Variants in PRELID2 observed in about 807,000 individuals in gnomAD.
PRELID2 encodes PRELI domain-containing protein 2.
Under a neutral mutation model 28.4 loss-of-function variants are expected in PRELID2, and 25 were observed. The observed-to-expected ratio is 0.88, with a 90% CI of 0.64 to 1.23. The LOEUF is 1.23. Among genes scored for constraint, PRELID2 ranks in the 50% most tolerant of loss-of-function variants. The pLI is 0.00. For missense variants in PRELID2, 201 were observed against 214.4 expected, an observed-to-expected ratio of 0.94 and a Z score of 0.39; for synonymous variants, 76 against 71.6, an observed-to-expected ratio of 1.06 and a Z score of -0.31.
At chr5:145,547,681 G>A (rs995508059) in intron 1 of PRELID2, among the ~76,000 whole-genome samples, 1 of 152,062 alleles carries the variant, frequency 6.6e-6, no homozygotes, top group Non-Finnish European at 1.5e-5. Flanking sequence ...CATATAACAA[G>A]GTGGATATAA....
intron 1 of PRELID2, among the ~76,000 whole-genome samples, chr5:145,662,271 A>G (rs1045912516): frequency 1.5e-4 from 23 of 152,152 alleles, no homozygotes; most frequent in Non-Finnish European, 2.9e-5. Flanking sequence ...AGATCAAAGG[A>G]GCAAAATGAT....
chr5:145,737,530 G>A (rs1228237426), intron 1 of PRELID2, among the ~76,000 whole-genome samples: 2 of 152,142 alleles, frequency 1.3e-5, no homozygotes, highest in Non-Finnish European at 2.9e-5. Context: ...AGTTCCTTGA[G>A]TTTTATTTTT....
At chr5:145,635,666 A>G (rs1189334941) in intron 1 of PRELID2, among the ~76,000 whole-genome samples, 1 of 152,194 alleles carries the variant, frequency 6.6e-6, no homozygotes, top group Non-Finnish European at 1.5e-5. Flanking sequence ...GCATGACTCT[A>G]AATGTTTGCA....
chr5:145,236,313 A>G, the PRELID2 span, among the ~76,000 whole-genome samples: 6 of 152,156 alleles, frequency 3.9e-5, no homozygotes, highest in Non-Finnish European at 7.4e-5. Context: ...AGGACCTCCC[A>G]AACTTCTTAT....
the PRELID2 span, among the ~76,000 whole-genome samples, chr5:145,402,450 G>T: frequency 6.6e-6 from 1 of 152,162 alleles, no homozygotes; most frequent in African/African-American, 2.4e-5. Context: ...CTGAATTTAT[G>T]CCAGGGACAC....
chr5:145,616,778 A>G (rs1753704209), intron 1 of PRELID2, among the ~76,000 whole-genome samples: 1 of 152,168 alleles, frequency 6.6e-6, no homozygotes. Context: ...TGTCATTGAT[A>G]ACATCTTACC....
the PRELID2 span, among the ~76,000 whole-genome samples, chr5:145,428,919 A>G: frequency 1.3e-4 from 10 of 75,872 alleles, no homozygotes; most frequent in Admixed American, 1.4e-3. Flanking sequence ...TAAGGAGGCC[A>G]GTGTGGCTGG....
At chr5:145,373,999 T>G in the PRELID2 span, among the ~76,000 whole-genome samples, 670 of 147,974 alleles carry the variant, frequency 4.5e-3, 6 homozygotes, top group Admixed American at 7.6e-3. Flanking sequence ...GTTAGTATTA[T>G]TATGTGTGAA....
chr5:145,637,775 T>C (rs945112638), intron 1 of PRELID2, among the ~76,000 whole-genome samples: 1 of 152,000 alleles, frequency 6.6e-6, no homozygotes, highest in African/African-American at 2.4e-5. Flanking sequence ...AAAGTCTTAA[T>C]GTTAATGTCA....
the PRELID2 span, among the ~76,000 whole-genome samples, chr5:145,231,432 G>A: frequency 6.6e-6 from 1 of 152,014 alleles, no homozygotes; most frequent in African/African-American, 2.4e-5. Flanking sequence ...CAGTAACAGT[G>A]GCCTACACTG....
At chr5:145,385,345 C>T in the PRELID2 span, among the ~76,000 whole-genome samples, 3 of 152,146 alleles carry the variant, frequency 2.0e-5, no homozygotes, top group African/African-American at 4.8e-5. Context: ...TTTATCACTG[C>T]CCTGAGTTAT....
In PRELID2 at chr5:145,514,318, C is replaced by CAAAAAAAAAAAAAAAAA. The variant is rs55760860; in HGVS notation, n.71-41004_71-41003insTTTTTTTTTTTTTTTTT. 1.4e-3 allele frequency among the ~76,000 whole-genome samples: 95 copies of CAAAAAAAAAAAAAAAAA among 67,382 alleles called. 3 individuals carry two copies. The highest frequency in any genetic ancestry group is 9.4e-3 in the Middle Eastern group (1 of 106). The allele number at this position is 67,382 out of a possible 152,430, so 44.2% of individuals were successfully genotyped here. On this transcript the variant is annotated intron_variant and non_coding_transcript_variant, in intron 1 of 2. Coordinates refer to the PRELID2 transcript ENST00000510259. Reference sequence around the variant, plus strand: ...GAATATTTACCAAGCAAATGGAAAGCAAAAAAAAAAAAAAAGCATGGGTTG... The same window carrying CAAAAAAAAAAAAAAAAA: ...GAATATTTACCAAGCAAATGGAAAGCAAAAAAAAAAAAAAAAAAAAAAAAAAAAAAAAGCATGGGTTG...
the PRELID2 span, among the ~76,000 whole-genome samples, chr5:145,373,907 T>TAA: frequency 7.5e-6 from 1 of 133,290 alleles, no homozygotes; most frequent in African/African-American, 2.9e-5. Flanking sequence ...ACAACATATA[T>TAA]AATATATATG....
rs1034290799 is a variant in PRELID2, at chr5:145,684,204, GAA to G, written n.70+80725_70+80726del. Among the ~76,000 whole-genome samples the G allele has an allele frequency of 7.2e-5, 11 of 152,318 alleles. No individual in the cohort carries two copies. The South Asian group carries it at 1.9e-3, about 26-fold the overall frequency. On this transcript the variant is annotated intron_variant and non_coding_transcript_variant, in intron 1 of 2. Transcript: ENST00000510259. Reference sequence around the variant, plus strand: ...TGTATGTAGAGGAGAAAAATGACATGAAAAGAGTCAATAGTCCAGGGGTGAAA... The same window carrying G: ...TGTATGTAGAGGAGAAAAATGACATGAAGAGTCAATAGTCCAGGGGTGAAA...
At chr5:145,517,881 T>A (rs1486586138) in intron 1 of PRELID2, among the ~76,000 whole-genome samples, 1 of 151,992 alleles carries the variant, frequency 6.6e-6, no homozygotes, top group African/African-American at 2.4e-5. Context: ...CTCAGCAAAC[T>A]AACACAGGAA....
the PRELID2 span, among the ~76,000 whole-genome samples, chr5:145,284,331 T>A: frequency 1.3e-5 from 2 of 152,158 alleles, no homozygotes; most frequent in Admixed American, 1.3e-4. Context: ...AGAGAAAATA[T>A]TAGCTAAATC....
intron 6 of PRELID2, among the ~76,000 whole-genome samples, chr5:145,762,382 A>G (rs1757515435): frequency 6.6e-6 from 1 of 152,058 alleles, no homozygotes; most frequent in Non-Finnish European, 1.5e-5. Flanking sequence ...ATAAAAAAGG[A>G]AAAAATTAGC....
the PRELID2 span, among the ~76,000 whole-genome samples, chr5:145,242,121 G>T: frequency 6.6e-6 from 1 of 151,850 alleles, no homozygotes; most frequent in African/African-American, 2.4e-5. Flanking sequence ...CCAAAGGAAG[G>T]GAAAAGTAGA....
At chr5:145,634,290 C>T (rs1482421532) in intron 1 of PRELID2, among the ~76,000 whole-genome samples, 10 of 152,142 alleles carry the variant, frequency 6.6e-5, no homozygotes, top group Admixed American at 6.5e-4. Context: ...CACTCTGCCT[C>T]TCCACTCCCA....
Sources: allele counts gnomAD v4.1 joint callset (sites outside exome capture counted in the v4.1 genomes callset), GRCh38; gene constraint gnomAD v4.1.1; transcripts MANE v1.5; gene names NCBI Gene and HGNC (gene_info 2026-07-23, HGNC 2026-07-21).